Variants in EEF1A1 observed in about 807,000 individuals in gnomAD.
The protein encoded by EEF1A1 is elongation factor 1-alpha 1.
In EEF1A1, 1 loss-of-function variant was observed where a neutral mutation model predicts 38.5. That is an observed-to-expected ratio of 0.03 (90% CI 0.01 to 0.12). The LOEUF (loss-of-function observed/expected upper bound fraction) is 0.12. Ranked by LOEUF, EEF1A1 falls within the 10% of genes least tolerant of loss-of-function variation. The pLI is 1.00. For synonymous variants in EEF1A1, 229 were observed against 203.7 expected (o/e 1.12, Z -1.06); for missense variants, 184 against 588.3 (o/e 0.31, Z 7.11).
intron 1 of EEF1A1, 79 bp downstream of exon 1, chr6:73,520,921 G>A (rs953434081): frequency 2.0e-5 from 3 of 152,740 alleles, no homozygotes; most frequent in African/African-American, 7.2e-5. Context: ...GCAGCCAGGG[G>A]CGTGGAAGTA....
intron 3 of EEF1A1, 27 bp from the exon 4 acceptor site, chr6:73,519,255 T>C (rs775457677): frequency 3.1e-6 from 5 of 1,606,710 alleles, no homozygotes; most frequent in Admixed American, 3.3e-5. Flanking sequence ...GACATATCCC[T>C]GTCAACTCTC....
At chr6:73,518,003 T>C (rs768126863) in intron 7 of EEF1A1, 27 bp downstream of exon 7, 56 of 1,609,688 alleles carry the variant, frequency 3.5e-5, no homozygotes, top group Non-Finnish European at 3.9e-5. Context: ...TAACACAACT[T>C]TTTTACATTT....
chr6:73,517,978 T>C (rs1330080415), intron 7 of EEF1A1, 44 bp from the exon 8 acceptor site: 2 of 1,613,022 alleles, frequency 1.2e-6, no homozygotes, highest in Non-Finnish European at 8.5e-7. Context: ...ACTGTTCAGT[T>C]GTATTTTTCA....
At position 73,519,875 on chromosome 6, in the gene EEF1A1, A is replaced by T; in HGVS notation, c.144+8T>A. On this transcript the variant is annotated splice_region_variant and intron_variant, in intron 2 of 7. Coordinates refer to ENST00000309268, the MANE Select transcript of EEF1A1 (RefSeq NM_001402.6). ...AGTTGATCTTTCCCTTTCTGGTATT[A>T]AACATACCTCAGCAGCCTCCTTCTC... is the stretch of plus-strand genomic sequence containing the variant. 6.2e-7 allele frequency: 1 copy of T among 1,612,938 alleles called. No individual in the cohort carries two copies. The highest frequency in any genetic ancestry group is 1.7e-5 in the Admixed American group (1 of 59,948).
rs1197452766 is a variant in EEF1A1, at chr6:73,515,831, GAC to G, written c.*1977_*1978del. On this transcript the variant is annotated 3_prime_UTR_variant, in exon 8 of 8. Coordinates refer to ENST00000309268, the MANE Select transcript of EEF1A1 (RefSeq NM_001402.6). ...TGGTGCTCAAGCCACAGTTGTCTAA[GAC>G]ACTGGGTTTCACAGGAAGTTAATCT... 6.6e-6 allele frequency: 1 copy of G among 152,150 alleles called. No individual in the cohort carries two copies. Among genetic ancestry groups the G allele is most frequent in the Non-Finnish European group, 1.5e-5 (1 of 68,042 alleles). The allele number at this position is 152,150 out of a possible 1,614,324, so 9.4% of individuals were successfully genotyped here. A position where few individuals can be genotyped will look rare whatever the true frequency, so the allele number is the denominator to read the frequency against.
At position 73,515,796 on chromosome 6, in the gene EEF1A1, T is replaced by C. The variant is rs1010922369; in HGVS notation, c.*2014A>G. On this transcript the variant is annotated 3_prime_UTR_variant, in exon 8 of 8. Transcript: ENST00000309268. Reference sequence around the variant, plus strand: ...TTGTAGTGAGCAAGTTTGTAATGAATACCAGCAGGTGGTGCTCAAGCCACA... The same window carrying C: ...TTGTAGTGAGCAAGTTTGTAATGAACACCAGCAGGTGGTGCTCAAGCCACA... The C allele has an allele frequency of 2.0e-5, 3 of 152,238 alleles. No homozygotes were observed. The highest frequency in any genetic ancestry group is 7.2e-5 in the African/African-American group (3 of 41,462). The allele number at this position is 152,238 out of a possible 1,614,324, so 9.4% of individuals were successfully genotyped here. A position where few individuals can be genotyped will look rare whatever the true frequency, so the allele number is the denominator to read the frequency against.
intron 1 of EEF1A1, chr6:73,520,434 C>G (rs1198842415): frequency 6.1e-6 from 1 of 162,792 alleles, no homozygotes; most frequent in Non-Finnish European, 1.3e-5. Context: ...GGCCATCTTT[C>G]CGCTCACGCA....
rs1008432473 is a variant in EEF1A1 at position 73,516,902 on chromosome 6, A to T, written c.*908T>A. 1.3e-5 allele frequency: 2 copies of T among 152,250 alleles called. No homozygotes were observed. Among genetic ancestry groups the T allele is most frequent in the Non-Finnish European group, 2.9e-5 (2 of 68,044 alleles). The allele number at this position is 152,250 out of a possible 1,614,324, so 9.4% of individuals were successfully genotyped here. On this transcript the variant is annotated 3_prime_UTR_variant, in exon 8 of 8. Coordinates refer to ENST00000309268, the MANE Select transcript of EEF1A1 (RefSeq NM_001402.6). ...TAATTATCAAAGCATAAAAGGTATT[A>T]GACTCTGCAGGAGAAAAGCAATGTA...
rs1306096680 is a variant in EEF1A1, at chr6:73,519,031, G to T, written c.522C>A (p.Val174=). 2 of 1,607,950 alleles carry T rather than the reference G, an allele frequency of 1.2e-6. No homozygotes were observed. The highest frequency in any genetic ancestry group is 1.3e-5 in the African/African-American group (1 of 74,812). ...QKRYEEIVKE[V]STYIKKIGYN... Reference sequence around the variant, plus strand: ...AGCCAATTTTCTTAATGTAAGTGCTGACTTCCTTAACAATTTCCTCATATC... The same window carrying T: ...AGCCAATTTTCTTAATGTAAGTGCTTACTTCCTTAACAATTTCCTCATATC... The change falls in exon 4 of 8, where the codon GTC becomes GTA. Residue 174 remains valine, a synonymous_variant. Transcript: ENST00000309268.
chr6:73,516,759 CGCGAAAA>C lies in EEF1A1; in HGVS notation c.*1044_*1050del, dbSNP rs1765526111. 6.6e-6 allele frequency: 1 copy of C among 152,046 alleles called. No individual in the cohort carries two copies. Among genetic ancestry groups the C allele is most frequent in the Non-Finnish European group, 1.5e-5 (1 of 68,022 alleles). The allele number at this position is 152,046 out of a possible 1,614,324, so 9.4% of individuals were successfully genotyped here. The stretch of plus-strand genomic sequence containing the variant: ...ATGCCTGTAATCCCAGCAGGAAGAT[CGCGAAAA>C]GCATTTTTCAAATGCACAAATGCTT... On this transcript the variant is annotated 3_prime_UTR_variant, in exon 8 of 8. Coordinates refer to ENST00000309268, the MANE Select transcript of EEF1A1 (RefSeq NM_001402.6).
chr6:73,519,313 CCT>C lies in EEF1A1; in HGVS notation c.324+22_324+23del, dbSNP rs762092051. The C allele has an allele frequency of 7.7e-4, 1,243 of 1,606,666 alleles. 1 individual carries two copies. Among genetic ancestry groups the C allele is most frequent in the South Asian group, 1.4e-3 (125 of 90,804 alleles). ...AAGCAAGCCTTTTGGGATAAAGAAA[CCT>C]AGAATTATTAATCCCACCAACCTGA... On this transcript the variant is annotated intron_variant, in intron 3 of 7. Transcript: ENST00000309268.
chr6:73,517,197 T>C lies in EEF1A1; in HGVS notation c.*613A>G, dbSNP rs1765539527. 6.6e-6 allele frequency: 1 copy of C among 152,292 alleles called. No individual in the cohort carries two copies. The highest frequency in any genetic ancestry group is 2.1e-4 in the South Asian group (1 of 4,834). 9.4% of individuals were successfully genotyped at this position (152,292 alleles called of 1,614,324 possible). On this transcript the variant is annotated 3_prime_UTR_variant, in exon 8 of 8. Transcript: ENST00000309268. ...ATCCCAGTAATTTGGAAACATTTTG[T>C]TTCCAAAGATTCACTTAACATTGGT... is the stretch of plus-strand genomic sequence containing the variant.
chr6:73,519,877 A>G lies in EEF1A1; in HGVS notation c.144+6T>C, dbSNP rs372237769. ...TTGATCTTTCCCTTTCTGGTATTAA[A>G]CATACCTCAGCAGCCTCCTTCTCAA... On this transcript the variant is annotated splice_donor_region_variant and intron_variant, in intron 2 of 7. Coordinates refer to ENST00000309268, the MANE Select transcript of EEF1A1 (RefSeq NM_001402.6). 1.2e-6 allele frequency: 2 copies of G among 1,612,828 alleles called. No homozygotes were observed. The highest frequency in any genetic ancestry group is 1.7e-6 in the Non-Finnish European group (2 of 1,179,794).
At chr6:73,519,667 C>G in intron 2 of EEF1A1, 151 bp from the exon 3 acceptor site, 1 of 1,170,626 alleles carries the variant, frequency 8.5e-7, no homozygotes, top group South Asian at 1.6e-5. Context: ...AACCAAAAAT[C>G]AAACTTTTAT....
At position 73,518,897 on chromosome 6, in the gene EEF1A1, AGAGCT is replaced by A. The variant is rs1224035748; in HGVS notation, c.621+30_621+34del. The A allele has an allele frequency of 1.9e-6, 3 of 1,611,020 alleles. No individual in the cohort carries two copies. In the African/African-American group the frequency reaches 4.0e-5, roughly 22 times the overall value. On this transcript the variant is annotated intron_variant, in intron 4 of 7. Coordinates refer to ENST00000309268, the MANE Select transcript of EEF1A1 (RefSeq NM_001402.6). ...GTGTAAGCATGAAATCGCCATTCCC[AGAGCT>A]TTTTAACAATGGTCTTGAAAGCCAC...
rs1339822399 is a variant in EEF1A1, at chr6:73,519,410, T to C, written c.251A>G (p.Lys84Arg). ...GGCATCAATGATAGTCACATAGTAC[T>C]TGCTGGTCTCAAATTTCCACAAGGA... is the stretch of plus-strand genomic sequence containing the variant. ...DISLWKFETS[K>R]YYVTIIDAPG... Residue 84 changes from lysine to arginine, a missense_variant, in exon 3 of 8, where the codon AAG becomes AGG. By Grantham distance (26) the Lys-to-Arg change is conservative. Coordinates refer to ENST00000309268, the MANE Select transcript of EEF1A1 (RefSeq NM_001402.6). The C allele has an allele frequency of 1.3e-5, 21 of 1,609,214 alleles. No homozygotes were observed. Among genetic ancestry groups the C allele is most frequent in the Non-Finnish European group, 1.8e-5 (21 of 1,179,784 alleles).
rs998837177 is a variant in EEF1A1 at position 73,517,211 on chromosome 6, C to G, written c.*599G>C. On this transcript the variant is annotated 3_prime_UTR_variant, in exon 8 of 8. Transcript: ENST00000309268. ...GAAACATTTTGTTTCCAAAGATTCA[C>G]TTAACATTGGTTTAGCAACATGAAG... 2 of 152,254 alleles carry G rather than the reference C, an allele frequency of 1.3e-5. No homozygotes were observed. Among genetic ancestry groups the G allele is most frequent in the Non-Finnish European group, 2.9e-5 (2 of 68,080 alleles). 9.4% of individuals were successfully genotyped at this position (152,254 alleles called of 1,614,324 possible).
In EEF1A1 at chr6:73,519,548, T is replaced by C. The variant is rs535875224; in HGVS notation, c.145-32A>G. 1.2e-4 allele frequency: 180 copies of C among 1,556,852 alleles called. 1 individual carries two copies. The South Asian group carries it at 1.9e-3, about 16-fold the overall frequency. On this transcript the variant is annotated intron_variant, in intron 2 of 7. Transcript: ENST00000309268. ...GGATTAAGAGTCGTTACTTGGTTACTAAAACACAAACTCCAGCTTCAATTT... is the reference window on the plus strand; with the variant it reads ...GGATTAAGAGTCGTTACTTGGTTACCAAAACACAAACTCCAGCTTCAATTT...
In EEF1A1 at chr6:73,516,924, T is replaced by TGTAGATTA. The variant is rs1279171948; in HGVS notation, c.*878_*885dup. The TGTAGATTA allele has an allele frequency of 2.6e-5, 4 of 152,208 alleles. No individual in the cohort carries two copies. Among genetic ancestry groups the TGTAGATTA allele is most frequent in the African/African-American group, 9.7e-5 (4 of 41,450 alleles). 9.4% of individuals were successfully genotyped at this position (152,208 alleles called of 1,614,324 possible). ...ATTAGACTCTGCAGGAGAAAAGCAA[T>TGTAGATTA]GTAGATTAGTCTAATTTTATAGCTA... On this transcript the variant is annotated 3_prime_UTR_variant, in exon 8 of 8. Transcript: ENST00000309268.
Sources: gnomAD v4.1 joint callset for allele counts on GRCh38, gnomAD v4.1.1 for gene constraint, MANE v1.5 for transcripts, NCBI Gene and HGNC (gene_info 2026-07-23, HGNC 2026-07-21) for gene names.